The following MAP7 variants were observed in gnomAD, a reference collection of about 807,000 sequenced individuals.
MAP7 encodes the protein microtubule associated protein 7, also known as ensconsin.
MAP7 carries 52 observed loss-of-function variants against 94.8 expected under a neutral mutation model. That is an observed-to-expected ratio of 0.55 (90% CI 0.44 to 0.69). The LOEUF is 0.69. Ranked by LOEUF, MAP7 falls within the 30% of genes least tolerant of loss-of-function variation. The probability of loss-of-function intolerance (pLI) is 0.00; values close to 1 mark genes in which losing one functional copy is unlikely to be tolerated. For synonymous variants in MAP7, 350 were observed against 357.0 expected (o/e 0.98, Z 0.22); for missense variants, 940 against 964.6 (o/e 0.97, Z 0.34).
intron 1 of MAP7, among the ~76,000 whole-genome samples, chr6:136,485,404 A>ACTG (rs1247822300): frequency 2.6e-5 from 4 of 152,214 alleles, no homozygotes; most frequent in African/African-American, 9.6e-5. Flanking sequence ...TAAAATGAAT[A>ACTG]CCATGTGGCA....
chr6:136,384,056 A>G (rs894713990), intron 5 of MAP7, among the ~76,000 whole-genome samples: 2 of 152,244 alleles, frequency 1.3e-5, no homozygotes, highest in African/African-American at 4.8e-5. Flanking sequence ...AAGGAAGGCC[A>G]GTGAAGGGCT....
chr6:136,359,694 A>T, intron 15 of MAP7, 126 bp downstream of exon 15: 1 of 857,108 alleles, frequency 1.2e-6, no homozygotes, highest in Non-Finnish European at 1.9e-6. Flanking sequence ...ACAGACCCCT[A>T]AGCTTCTGTG....
chr6:136,365,540 C>T (rs938357428), intron 10 of MAP7, among the ~76,000 whole-genome samples, 195 bp downstream of exon 10: 3 of 151,830 alleles, frequency 2.0e-5, no homozygotes, highest in Non-Finnish European at 2.9e-5. Flanking sequence ...TTTTACTTAG[C>T]GTTGCTAAGT....
At chr6:136,445,967 A>G (rs1799211765) in intron 1 of MAP7, among the ~76,000 whole-genome samples, 1 of 152,236 alleles carries the variant, frequency 6.6e-6, no homozygotes, top group Admixed American at 6.5e-5. Flanking sequence ...CCAGCAATGA[A>G]TTCTGCAGCC....
At chr6:136,433,038 C>T (rs748360107) in intron 1 of MAP7, among the ~76,000 whole-genome samples, 23 of 151,952 alleles carry the variant, frequency 1.5e-4, no homozygotes, top group Non-Finnish European at 4.4e-5. Flanking sequence ...CTGTGGCTGG[C>T]TTTAAGAAAG....
chr6:136,519,609 C>T (rs1273293165), intron 1 of MAP7, among the ~76,000 whole-genome samples: 1 of 152,106 alleles, frequency 6.6e-6, no homozygotes, highest in African/African-American at 2.4e-5. Flanking sequence ...GTTTGGAAAC[C>T]TTAACTGGAG....
chr6:136,549,604 C>T (rs1023220592), intron 1 of MAP7, among the ~76,000 whole-genome samples: 3 of 152,184 alleles, frequency 2.0e-5, no homozygotes, highest in African/African-American at 7.2e-5. Context: ...AACACAGAGG[C>T]CTGACCACCA....
At chr6:136,518,601 G>A (rs558692777) in intron 1 of MAP7, among the ~76,000 whole-genome samples, 64 of 152,230 alleles carry the variant, frequency 4.2e-4, no homozygotes, top group African/African-American at 1.4e-3. Flanking sequence ...TTTCCTAAAT[G>A]TCTAGATGAT....
At chr6:136,403,092 C>T (rs942754370) in intron 3 of MAP7, among the ~76,000 whole-genome samples, 1 of 152,134 alleles carries the variant, frequency 6.6e-6, no homozygotes, top group Non-Finnish European at 1.5e-5. Context: ...ACTTTCACTC[C>T]TCAAAGAATG....
intron 10 of MAP7, chr6:136,364,015 C>G (rs982426439): frequency 4.4e-6 from 1 of 225,878 alleles, no homozygotes; most frequent in Non-Finnish European, 8.8e-6. Flanking sequence ...TCAGCTGCTG[C>G]CAAGCTGCAC....
chr6:136,354,046 T>C (rs994012708), intron 16 of MAP7, among the ~76,000 whole-genome samples: 21 of 149,956 alleles, frequency 1.4e-4, no homozygotes, highest in African/African-American at 5.1e-4. Context: ...ACAAGGGCTA[T>C]AGAAATTTTA....
At chr6:136,458,814 G>T (rs540152914) in intron 1 of MAP7, among the ~76,000 whole-genome samples, 1 of 152,054 alleles carries the variant, frequency 6.6e-6, no homozygotes, top group Admixed American at 6.6e-5. Flanking sequence ...TAGAAAAAAA[G>T]ATAGGGAGAA....
At chr6:136,526,161 T>TTCCCCTCACCTAGCAGCAGCTTCCCCACC (rs1827793285) in intron 1 of MAP7, 8 of 1,291,678 alleles carry the variant, frequency 6.2e-6, no homozygotes, top group Admixed American at 3.7e-5. Flanking sequence ...GGCCCTGCAG[T>TTCCCCTCACCTAGCAGCAGCTTCCCCACC]TCCCCTCACC....
At chr6:136,385,112 G>A (rs529858195) in intron 5 of MAP7, among the ~76,000 whole-genome samples, 1 of 152,240 alleles carries the variant, frequency 6.6e-6, no homozygotes, top group South Asian at 2.1e-4. Flanking sequence ...GTACCCGTTG[G>A]TCTAACCTTG....
Position 136,377,849 on chromosome 6 carries a change from G to A in MAP7, c.657C>T (p.Ser219=), listed in dbSNP as rs762696175. The part of the protein sequence containing the change: ...SPDRARRLQL[S]PWESSVVNRL... ...TGTTAACAACGCTGCTCTCCCATGG[G>A]CTGAGCTGCAGGCGGCGAGCTAAAC... is the stretch of plus-strand genomic sequence containing the variant. Residue 219 remains serine (S), a synonymous_variant, in exon 7 of 18, where the codon AGC becomes AGT. Transcript: ENST00000354570. 1 of 1,613,852 alleles carries A rather than the reference G, an allele frequency of 6.2e-7. No individual in the cohort carries two copies. The highest frequency in any genetic ancestry group is 2.2e-5 in the East Asian group (1 of 44,870).
chr6:136,454,807 G>A (rs764386332), intron 1 of MAP7, among the ~76,000 whole-genome samples: 1 of 152,060 alleles, frequency 6.6e-6, no homozygotes, highest in Non-Finnish European at 1.5e-5. Context: ...GCTGATATGG[G>A]AGGATGGCTT....
intron 5 of MAP7, among the ~76,000 whole-genome samples, chr6:136,386,081 A>G (rs1034506057): frequency 1.3e-5 from 2 of 152,152 alleles, no homozygotes; most frequent in South Asian, 4.1e-4. Context: ...GATCGTATCA[A>G]GTTTTACAGA....
intron 1 of MAP7, among the ~76,000 whole-genome samples, chr6:136,517,765 T>C (rs552436178): frequency 1.5e-5 from 2 of 135,804 alleles, no homozygotes; most frequent in South Asian, 4.4e-4. Context: ...CTCTGACCTG[T>C]ACCACTGACT....
At chr6:136,351,003 G>C (rs1789018282) in intron 16 of MAP7, among the ~76,000 whole-genome samples, 1 of 152,174 alleles carries the variant, frequency 6.6e-6, no homozygotes, top group African/African-American at 2.4e-5. Flanking sequence ...ATTTAAGTAT[G>C]CAGATAATGT....
Sources: gnomAD v4.1 joint callset for allele counts (sites outside exome capture counted in the v4.1 genomes callset) on GRCh38, gnomAD v4.1.1 for gene constraint, MANE v1.5 for transcripts, NCBI Gene and HGNC (gene_info 2026-07-23, HGNC 2026-07-21) for gene names.